The following CANX variants were observed in gnomAD, a reference collection of about 807,000 sequenced individuals.
CANX encodes the protein calnexin, also known as epididymis secretory sperm binding protein.
Under a neutral mutation model 75.7 loss-of-function variants are expected in CANX, and 14 were observed. That is an observed-to-expected ratio of 0.19 (90% CI 0.12 to 0.29). CANX has a LOEUF of 0.29. CANX is among the 10% of genes least tolerant of loss of function. The pLI is 1.00. For synonymous variants in CANX, 227 were observed against 236.9 expected (o/e 0.96, Z 0.38); for missense variants, 567 against 713.2 (o/e 0.79, Z 2.34).
intron 13 of CANX, among the ~76,000 whole-genome samples, chr5:179,725,192 T>C (rs1021873487): frequency 1.3e-5 from 2 of 151,604 alleles, no homozygotes; most frequent in Non-Finnish European, 2.9e-5. Context: ...TGCTCAGCTG[T>C]TTGTTTGTTT....
chr5:179,679,231 T>A (rs1197356272), intron 1 of CANX: 1 of 1,531,738 alleles, frequency 6.5e-7, no homozygotes, highest in Admixed American at 2.0e-5. Context: ...GGAGCCCGGA[T>A]GTCCAGAATG....
chr5:179,705,929 A>T (rs1294510362), intron 2 of CANX, 77 bp downstream of exon 2: 1 of 1,256,154 alleles, frequency 8.0e-7, no homozygotes, highest in Non-Finnish European at 1.1e-6. Flanking sequence ...GTGCAGGGAA[A>T]TGTAGTCTCA....
At chr5:179,689,379 GTTTTTTTTTTTT>G (rs958473912) in intron 1 of CANX, among the ~76,000 whole-genome samples, 4 of 83,676 alleles carry the variant, frequency 4.8e-5, no homozygotes, top group Non-Finnish European at 8.7e-5. Context: ...AACCCAACAA[GTTTTTTTTTTTT>G]TTTTTTTTTT....
At chr5:179,694,144 C>CAAAAAAAAAA (rs55708497), upstream of CANX, 1 of 102,760 alleles carries the variant, frequency 9.7e-6, no homozygotes, top group African/African-American at 5.0e-5. Context: ...AACTCCGTCT[C>CAAAAAAAAAA]AAAAAAAAAA....
chr5:179,708,834 A>G (rs1777329044), intron 5 of CANX, 144 bp from the exon 6 acceptor site: 4 of 480,458 alleles, frequency 8.3e-6, no homozygotes, highest in South Asian at 3.6e-5. Flanking sequence ...CTATTCAAAA[A>G]CAATAGAAGA....
At position 179,724,790 on chromosome 5, in the gene CANX, A is replaced by G; in HGVS notation, c.1645+7A>G. ...GAAGGAGAAGAGAAACTTGGTAAGA[A>G]ACAGAGTCCAGAAAATCTGCTTTAA... On this transcript the variant is annotated splice_region_variant and intron_variant, in intron 13 of 14. Coordinates refer to ENST00000247461, the MANE Select transcript of CANX (RefSeq NM_001746.4). The G allele has an allele frequency of 6.2e-7, 1 of 1,601,008 alleles. No homozygotes were observed. Among genetic ancestry groups the G allele is most frequent in the Non-Finnish European group, 8.5e-7 (1 of 1,173,004 alleles).
chr5:179,716,136 G>T lies in CANX; in HGVS notation c.753G>T (p.Leu251=). 1 of 1,612,160 alleles carries T rather than the reference G, an allele frequency of 6.2e-7. No homozygotes were observed. Among genetic ancestry groups the T allele is most frequent in the Non-Finnish European group, 8.5e-7 (1 of 1,178,328 alleles). ...ILNPDNSFEI[L]VDQSVVNSGN... The stretch of plus-strand genomic sequence containing the variant: ...ATCCAGATAATAGTTTTGAAATACT[G>T]GTTGACCAATCTGTGGTGAATAGTG... Residue 251 remains leucine, a synonymous_variant, in exon 8 of 15, where the codon CTG becomes CTT. Coordinates refer to ENST00000247461, the MANE Select transcript of CANX (RefSeq NM_001746.4).
intron 1 of CANX, among the ~76,000 whole-genome samples, chr5:179,691,784 T>A (rs564358480): frequency 9.5e-4 from 144 of 152,182 alleles, no homozygotes; most frequent in Admixed American, 3.1e-3. Context: ...TTAATTAATT[T>A]ATTTATTTTT....
At chr5:179,687,045 G>A (rs1310606422) in intron 1 of CANX, among the ~76,000 whole-genome samples, 1 of 152,164 alleles carries the variant, frequency 6.6e-6, no homozygotes, top group Non-Finnish European at 1.5e-5. Context: ...CCAAAGGTCT[G>A]GGAATACAGG....
chr5:179,684,501 G>A (rs1159630857), intron 1 of CANX, among the ~76,000 whole-genome samples: 3 of 150,540 alleles, frequency 2.0e-5, no homozygotes, highest in Middle Eastern at 3.4e-3. Context: ...CACCACGCCC[G>A]GCTAATTTTT....
chr5:179,707,654 T>A (rs571147988), intron 4 of CANX, among the ~76,000 whole-genome samples: 1 of 124,948 alleles, frequency 8.0e-6, no homozygotes, highest in Admixed American at 9.2e-5. Flanking sequence ...AATTTTTTTT[T>A]TTTTTTTTTT....
At chr5:179,723,354 C>T (rs1243775522) in intron 11 of CANX, 8 of 405,816 alleles carry the variant, frequency 2.0e-5, no homozygotes, top group Non-Finnish European at 3.0e-5. Context: ...GTCATGTGGC[C>T]GATTTAAGAA....
exon 1 of CANX, chr5:179,678,685 G>A: frequency 6.5e-7 from 1 of 1,536,252 alleles, no homozygotes; most frequent in Non-Finnish European, 8.7e-7. Flanking sequence ...CAGCCGTCGG[G>A]ATCACCTCGG....
At chr5:179,687,576 C>T (rs1776212984) in intron 1 of CANX, among the ~76,000 whole-genome samples, 1 of 152,116 alleles carries the variant, frequency 6.6e-6, no homozygotes, top group Non-Finnish European at 1.5e-5. Flanking sequence ...AACCCTCATG[C>T]TCACTGTTGA....
chr5:179,728,060 A>G (rs192661285), intron 14 of CANX, among the ~76,000 whole-genome samples: 4 of 152,306 alleles, frequency 2.6e-5, no homozygotes, highest in African/African-American at 7.2e-5. Flanking sequence ...CTAGAATGCA[A>G]TTCTTAAAAG....
At chr5:179,683,124 CATTT>C (rs200233525) in intron 1 of CANX, among the ~76,000 whole-genome samples, 38 of 151,466 alleles carry the variant, frequency 2.5e-4, no homozygotes, top group South Asian at 4.2e-4. Flanking sequence ...AAATCAACTA[CATTT>C]ATTTATTTAT....
At chr5:179,688,506 G>A (rs1260822773) in intron 1 of CANX, among the ~76,000 whole-genome samples, 1 of 150,798 alleles carries the variant, frequency 6.6e-6, no homozygotes, top group Non-Finnish European at 1.5e-5. Flanking sequence ...TGGGAATATA[G>A]GTGCCCACCA....
intron 1 of CANX, among the ~76,000 whole-genome samples, chr5:179,684,047 C>G (rs1776137878): frequency 6.6e-6 from 1 of 152,152 alleles, no homozygotes; most frequent in South Asian, 2.1e-4. Flanking sequence ...CTGCTCTGAA[C>G]ATTTTTGCTC....
upstream of CANX, among the ~76,000 whole-genome samples, chr5:179,696,699 C>G (rs1466355693): frequency 6.6e-6 from 1 of 152,202 alleles, no homozygotes; most frequent in Non-Finnish European, 1.5e-5. Context: ...GAATACATCT[C>G]CCTTTTCAGT....
Sources: allele counts gnomAD v4.1 joint callset (sites outside exome capture counted in the v4.1 genomes callset), GRCh38; gene constraint gnomAD v4.1.1; transcripts MANE v1.5; gene names NCBI Gene and HGNC (gene_info 2026-07-23, HGNC 2026-07-21).